The following CYREN variants were observed in gnomAD, a reference collection of about 807,000 sequenced individuals.
CYREN encodes the protein cell cycle regulator of NHEJ.
In CYREN, 7 loss-of-function variants were observed where a neutral mutation model predicts 9.7. The ratio of observed to expected loss-of-function variants is 0.72; its 90% CI spans 0.41 to 1.36. CYREN has a LOEUF of 1.36. CYREN is among the 40% of genes most tolerant of loss of function. CYREN has a pLI of 0.01. For synonymous variants in CYREN, 76 were observed against 77.9 expected (o/e 0.98, Z 0.13); for missense variants, 215 against 198.1 (o/e 1.09, Z -0.51).
chr7:135,160,944 G>GTGGC (rs1282742406), downstream of CYREN, among the ~76,000 whole-genome samples: 2 of 152,188 alleles, frequency 1.3e-5, no homozygotes, highest in African/African-American at 4.8e-5. Context: ...GAGCTGGGGG[G>GTGGC]TGGCTGAGGA....
chr7:135,105,571 A>G (rs1342866102), intron 2 of CYREN, among the ~76,000 whole-genome samples: 1 of 152,058 alleles, frequency 6.6e-6, no homozygotes, highest in Admixed American at 6.6e-5. Flanking sequence ...TGGGCTCTCT[A>G]TTTGGTTCCA....
exon 3 of CYREN, chr7:135,092,941 A>C (rs368330814): frequency 3.3e-5 from 5 of 152,062 alleles, no homozygotes; most frequent in Admixed American, 2.6e-4. Context: ...GGTCATCTCA[A>C]TAGATGCAGA....
At chr7:135,130,727 T>A (rs947046410) in intron 2 of CYREN, among the ~76,000 whole-genome samples, 5 of 152,188 alleles carry the variant, frequency 3.3e-5, no homozygotes, top group African/African-American at 9.6e-5. Context: ...CCACTGTAGT[T>A]CCAGTCCTAA....
chr7:135,129,337 T>A, intron 2 of CYREN: 1 of 1,131,374 alleles, frequency 8.8e-7, no homozygotes, highest in Non-Finnish European at 1.3e-6. Context: ...GCAGAGAAAT[T>A]AATAGACTTA....
chr7:135,147,434 C>T (rs1311576017), intron 2 of CYREN, among the ~76,000 whole-genome samples: 1 of 152,162 alleles, frequency 6.6e-6, no homozygotes, highest in Non-Finnish European at 1.5e-5. Context: ...CAAGTTTAAC[C>T]CACAGTTGAA....
chr7:135,171,916 A>G (rs1830676940), upstream of CYREN, among the ~76,000 whole-genome samples: 1 of 152,260 alleles, frequency 6.6e-6, no homozygotes, highest in Non-Finnish European at 1.5e-5. Context: ...AAGGATTAAC[A>G]CTGGCTGAAC....
At chr7:135,121,759 G>A (rs886456788) in intron 2 of CYREN, among the ~76,000 whole-genome samples, 2 of 152,170 alleles carry the variant, frequency 1.3e-5, no homozygotes, top group Non-Finnish European at 2.9e-5. Context: ...TCCACAGAGA[G>A]GAAGAACAGT....
chr7:135,171,045 C>T (rs1319139954), upstream of CYREN, among the ~76,000 whole-genome samples: 1 of 152,162 alleles, frequency 6.6e-6, no homozygotes, highest in Non-Finnish European at 1.5e-5. Context: ...AGAAACCAGG[C>T]GAAGCTCCCT....
Position 135,124,481 on chromosome 7 carries a change from G to C in CYREN, n.357-29899C>G, listed in dbSNP as rs1170182387. 2.0e-5 allele frequency among the ~76,000 whole-genome samples: 3 copies of C among 152,158 alleles called. No homozygotes were observed. The East Asian group carries it at 5.8e-4, about 29-fold the overall frequency. On this transcript the variant is annotated intron_variant and non_coding_transcript_variant, in intron 2 of 2. Coordinates refer to the CYREN transcript ENST00000459937. ...AACACCCCACTGTCAATATTAGACA[G>C]ATCAACAAGACAGAAAATTAACAAG...
At chr7:135,122,882 C>G (rs1035019169) in intron 2 of CYREN, among the ~76,000 whole-genome samples, 3 of 152,144 alleles carry the variant, frequency 2.0e-5, no homozygotes, top group Admixed American at 1.3e-4. Context: ...AGAAAAACCC[C>G]ATCCAAGGAT....
downstream of CYREN, chr7:135,164,730 G>A (rs1277452876): frequency 1.9e-6 from 3 of 1,614,168 alleles, no homozygotes; most frequent in East Asian, 2.2e-5. Flanking sequence ...CACCCTCTTT[G>A]CCCCCCAGCC....
chr7:135,121,482 T>G (rs1585235408), intron 2 of CYREN, among the ~76,000 whole-genome samples: 1 of 151,314 alleles, frequency 6.6e-6, no homozygotes, highest in East Asian at 1.9e-4. Context: ...TTAAAAGAAT[T>G]TAAATCATAG....
intron 2 of CYREN, among the ~76,000 whole-genome samples, chr7:135,103,232 G>A (rs184609837): frequency 2.0e-4 from 30 of 152,140 alleles, no homozygotes; most frequent in Admixed American, 1.2e-3. Flanking sequence ...TTCTTCTAAT[G>A]CTCTTGGTGG....
At chr7:135,110,417 T>C (rs1825457337) in intron 2 of CYREN, among the ~76,000 whole-genome samples, 1 of 152,208 alleles carries the variant, frequency 6.6e-6, no homozygotes, top group Non-Finnish European at 1.5e-5. Flanking sequence ...TGTATATGCC[T>C]GAGTAGCTGC....
chr7:135,138,082 GA>G (rs1562916561), intron 2 of CYREN, among the ~76,000 whole-genome samples: 1 of 151,952 alleles, frequency 6.6e-6, no homozygotes, highest in Non-Finnish European at 1.5e-5. Context: ...TGTATCCAGT[GA>G]AATTGTCCTC....
intron 2 of CYREN, among the ~76,000 whole-genome samples, chr7:135,159,622 A>G (rs1220174026): frequency 6.6e-6 from 1 of 152,258 alleles, no homozygotes; most frequent in Non-Finnish European, 1.5e-5. Flanking sequence ...GACCTAGTGC[A>G]GCAAAGCATT....
At chr7:135,119,379 A>C (rs528214682) in intron 2 of CYREN, among the ~76,000 whole-genome samples, 129 of 84,708 alleles carry the variant, frequency 1.5e-3, no homozygotes, top group Non-Finnish European at 1.3e-3. Context: ...ATAGGCACCC[A>C]CCACCATGCC....
At chr7:135,129,813 G>A (rs1828476215) in intron 2 of CYREN, 2 of 500,190 alleles carry the variant, frequency 4.0e-6, no homozygotes, top group Non-Finnish European at 7.5e-6. Flanking sequence ...TAGAAGATAT[G>A]GAAGAACAAG....
intron 2 of CYREN, chr7:135,129,099 C>G: frequency 6.3e-7 from 1 of 1,584,864 alleles, no homozygotes; most frequent in Non-Finnish European, 8.7e-7. Flanking sequence ...CACTACTGGT[C>G]AGGTCAAAGA....
Sources: allele counts gnomAD v4.1 joint callset (sites outside exome capture counted in the v4.1 genomes callset), GRCh38; gene constraint gnomAD v4.1.1; transcripts MANE v1.5; gene names NCBI Gene and HGNC (gene_info 2026-07-23, HGNC 2026-07-21).